The following CA10 variants were observed in gnomAD, a reference collection of about 807,000 sequenced individuals.
CA10 encodes the protein carbonic anhydrase-related protein 10.
CA10 carries 14 observed loss-of-function variants against 44.2 expected under a neutral mutation model. That is an observed-to-expected ratio of 0.32 (90% CI 0.21 to 0.50). The LOEUF is 0.50. Ranked by LOEUF, CA10 falls within the 20% of genes least tolerant of loss-of-function variation. The probability of loss-of-function intolerance (pLI) is 0.99; values close to 1 mark genes in which losing one functional copy is unlikely to be tolerated. For synonymous variants in CA10, 159 were observed against 141.6 expected (o/e 1.12, Z -0.87); for missense variants, 350 against 409.7 (o/e 0.85, Z 1.26).
At chr17:51,804,091 C>T (rs928418254) in intron 3 of CA10, among the ~76,000 whole-genome samples, 1 of 152,114 alleles carries the variant, frequency 6.6e-6, no homozygotes, top group Non-Finnish European at 1.5e-5. Context: ...ATTTATTATA[C>T]AGTTTATAGA....
At chr17:52,096,244 T>C (rs1988398201) in intron 1 of CA10, among the ~76,000 whole-genome samples, 1 of 152,172 alleles carries the variant, frequency 6.6e-6, no homozygotes, top group African/African-American at 2.4e-5. Context: ...TCTGTTGCTT[T>C]TTCTCTGACC....
intron 3 of CA10, among the ~76,000 whole-genome samples, chr17:51,872,853 A>C (rs1030130503): frequency 1.3e-5 from 2 of 152,228 alleles, no homozygotes; most frequent in Non-Finnish European, 2.9e-5. Context: ...TGCACCAAGT[A>C]TGTAACTCTA....
chr17:51,715,959 G>T (rs1275137699), intron 4 of CA10, among the ~76,000 whole-genome samples: 1 of 151,984 alleles, frequency 6.6e-6, no homozygotes, highest in Admixed American at 6.6e-5. Context: ...CAAAGTATTG[G>T]GATTACAGGC....
At chr17:51,908,541 T>G (rs921579780) in intron 3 of CA10, among the ~76,000 whole-genome samples, 1 of 152,112 alleles carries the variant, frequency 6.6e-6, no homozygotes, top group African/African-American at 2.4e-5. Flanking sequence ...AGAAGCCGAG[T>G]TTTCCTCTGA....
intron 2 of CA10, among the ~76,000 whole-genome samples, chr17:52,029,084 C>G (rs1567708494): frequency 6.6e-6 from 1 of 152,118 alleles, no homozygotes; most frequent in Non-Finnish European, 1.5e-5. Context: ...CTGTTTTTCA[C>G]TAGTAAACAG....
At position 51,866,918 on chromosome 17, in the gene CA10, A is replaced by AAGC. The variant is rs202098156; in HGVS notation, c.279+64071_279+64072insGCT. Among the ~76,000 whole-genome samples the AAGC allele has an allele frequency of 3.2e-3, 481 of 152,266 alleles. 2 individuals carry two copies. The highest frequency in any genetic ancestry group is 0.011 in the African/African-American group (468 of 41,530). On this transcript the variant is annotated intron_variant, in intron 3 of 8. Transcript: ENST00000451037. ...AGGGAAATTTCAAAATAATGGTAAG[A>AAGC]ACAGTTTCTCAGAAATAGTCTCCTT...
intron 4 of CA10, among the ~76,000 whole-genome samples, chr17:51,682,318 G>A (rs538617960): frequency 3.3e-5 from 5 of 152,308 alleles, no homozygotes; most frequent in African/African-American, 1.2e-4. Flanking sequence ...TTGGGCCAAG[G>A]CACAAGCTGA....
intron 3 of CA10, among the ~76,000 whole-genome samples, chr17:51,838,365 G>C (rs536221097): frequency 1.3e-5 from 2 of 152,200 alleles, no homozygotes; most frequent in South Asian, 2.1e-4. Flanking sequence ...TTGTAGAAAA[G>C]ATCCTGATGG....
intron 2 of CA10, among the ~76,000 whole-genome samples, chr17:51,989,195 A>G (rs536544422): frequency 1.3e-5 from 2 of 150,102 alleles, no homozygotes; most frequent in South Asian, 4.2e-4. Context: ...CGGTACAAGT[A>G]CAGGTGGTTT....
chr17:51,791,646 C>T (rs1244979512), intron 3 of CA10, among the ~76,000 whole-genome samples: 1 of 152,182 alleles, frequency 6.6e-6, no homozygotes, highest in African/African-American at 2.4e-5. Flanking sequence ...GATGAATCCC[C>T]ATGTCTGGGG....
chr17:51,796,220 C>T (rs1351021874), intron 3 of CA10, among the ~76,000 whole-genome samples: 2 of 150,822 alleles, frequency 1.3e-5, no homozygotes, highest in African/African-American at 2.4e-5. Context: ...CAATCCTGTT[C>T]TTTTTTTTTA....
intron 1 of CA10, among the ~76,000 whole-genome samples, chr17:52,121,938 T>C (rs12453099): frequency 1.3e-5 from 2 of 152,200 alleles, no homozygotes; most frequent in Non-Finnish European, 2.9e-5. Flanking sequence ...TCTCTCAGAA[T>C]GTAGCAATTA....
At chr17:51,969,460 A>C (rs1358311677) in intron 2 of CA10, among the ~76,000 whole-genome samples, 1 of 152,004 alleles carries the variant, frequency 6.6e-6, no homozygotes, top group African/African-American at 2.4e-5. Context: ...CCACACTGAT[A>C]GTTTTCTTAT....
intron 4 of CA10, among the ~76,000 whole-genome samples, chr17:51,678,588 T>G (rs1341144734): frequency 6.6e-6 from 1 of 152,192 alleles, no homozygotes; most frequent in Middle Eastern, 3.2e-3. Flanking sequence ...AACTTGGCCT[T>G]GCTGGTCCAG....
rs149408197 is a variant in CA10 at position 52,140,599 on chromosome 17, A to G, written c.61+17127T>C. 9.2e-5 allele frequency among the ~76,000 whole-genome samples: 14 copies of G among 152,342 alleles called. No homozygotes were observed. In the East Asian group the frequency reaches 2.3e-3, roughly 25 times the overall value. ...CTGGGCCTTACAAAGACAAGGCAGTAGGCTGGATTTGGTCAGTGGGCCACT... is the reference window on the plus strand; with the variant it reads ...CTGGGCCTTACAAAGACAAGGCAGTGGGCTGGATTTGGTCAGTGGGCCACT... On this transcript the variant is annotated intron_variant, in intron 1 of 8. Transcript: ENST00000451037.
intron 4 of CA10, among the ~76,000 whole-genome samples, chr17:51,715,445 G>A (rs893657796): frequency 6.6e-6 from 1 of 152,004 alleles, no homozygotes. Context: ...AAAAATTTTT[G>A]TGGGTACATA....
intron 2 of CA10, among the ~76,000 whole-genome samples, chr17:51,985,442 A>T (rs1311549753): frequency 1.3e-5 from 2 of 152,024 alleles, no homozygotes; most frequent in Non-Finnish European, 2.9e-5. Context: ...TTCCTCTGAG[A>T]ACTGGAACAA....
At chr17:52,047,850 G>A (rs1463013074) in intron 2 of CA10, among the ~76,000 whole-genome samples, 1 of 151,634 alleles carries the variant, frequency 6.6e-6, no homozygotes, top group Non-Finnish European at 1.5e-5. Context: ...CATAAGTATT[G>A]CAAAATAACT....
chr17:51,848,047 T>C (rs141044407), intron 3 of CA10, among the ~76,000 whole-genome samples: 3 of 152,330 alleles, frequency 2.0e-5, no homozygotes, highest in Non-Finnish European at 4.4e-5. Flanking sequence ...ATTGAGGCAT[T>C]CACCTTGGGC....
Sources: allele counts gnomAD v4.1 joint callset (sites outside exome capture counted in the v4.1 genomes callset), GRCh38; gene constraint gnomAD v4.1.1; transcripts MANE v1.5; gene names NCBI Gene and HGNC (gene_info 2026-07-23, HGNC 2026-07-21).